Variants in MYO5B observed in about 807,000 individuals in gnomAD.
The protein encoded by MYO5B is unconventional myosin-Vb.
Under a neutral mutation model 229.3 loss-of-function variants are expected in MYO5B, and 143 were observed. That is an observed-to-expected ratio of 0.62 (90% CI 0.54 to 0.72). MYO5B has a LOEUF of 0.72. MYO5B is among the 30% of genes least tolerant of loss of function. The pLI, the probability that MYO5B is intolerant of heterozygous loss-of-function variation, is 0.00. For missense variants in MYO5B, 2,321 were observed against 2,331.0 expected, an observed-to-expected ratio of 1.00 and a Z score of 0.09; for synonymous variants, 918 against 885.2, an observed-to-expected ratio of 1.04 and a Z score of -0.66.
chr18:49,943,653 C>T (rs558167694), intron 14 of MYO5B, among the ~76,000 whole-genome samples: 27 of 152,300 alleles, frequency 1.8e-4, no homozygotes, highest in South Asian at 4.1e-4. Flanking sequence ...CACTTACTGA[C>T]GCTCAAATAT....
chr18:50,086,329 A>G (rs943202682), intron 1 of MYO5B, among the ~76,000 whole-genome samples: 1 of 152,218 alleles, frequency 6.6e-6, no homozygotes, highest in Non-Finnish European at 1.5e-5. Flanking sequence ...CCATGACTAG[A>G]TACACCTGTA....
intron 4 of MYO5B, among the ~76,000 whole-genome samples, chr18:50,026,974 C>T (rs1276774226): frequency 2.6e-5 from 4 of 152,130 alleles, no homozygotes; most frequent in Non-Finnish European, 4.4e-5. Context: ...AACTCTTAGC[C>T]GCCTTGCTTC....
chr18:50,087,968 G>A (rs145519535), intron 1 of MYO5B, among the ~76,000 whole-genome samples: 1 of 152,326 alleles, frequency 6.6e-6, no homozygotes, highest in East Asian at 1.9e-4. Flanking sequence ...ACTCTGAGAT[G>A]GCAGAGATTC....
In MYO5B at chr18:49,853,145, G is replaced by A. The variant is rs148735144; in HGVS notation, c.4221+304C>T. The stretch of plus-strand genomic sequence containing the variant: ...CAGGGACTGAGTCTTGAGGAGTCTC[G>A]CTGTTCCTGCTTTCATCCTCTTGGA... On this transcript the variant is annotated intron_variant, in intron 31 of 39. Coordinates refer to ENST00000285039, the MANE Select transcript of MYO5B (RefSeq NM_001080467.3). 6.9e-3 allele frequency among the ~76,000 whole-genome samples: 1,044 copies of A among 152,256 alleles called. 15 individuals are homozygous for A. The highest frequency in any genetic ancestry group is 0.024 in the Middle Eastern group (7 of 294).
At chr18:50,116,371 C>G (rs938772987) in intron 1 of MYO5B, among the ~76,000 whole-genome samples, 44 of 152,156 alleles carry the variant, frequency 2.9e-4, no homozygotes, top group African/African-American at 1.0e-3. Context: ...AAATGAACAC[C>G]TGGGAAGCAG....
chr18:50,101,932 C>T (rs1025531796), intron 1 of MYO5B, among the ~76,000 whole-genome samples: 4 of 152,108 alleles, frequency 2.6e-5, no homozygotes, highest in African/African-American at 7.2e-5. Context: ...GACACACACA[C>T]GTATGTTTAT....
chr18:49,955,314 C>T (rs113405263), intron 12 of MYO5B, among the ~76,000 whole-genome samples: 2 of 152,186 alleles, frequency 1.3e-5, no homozygotes, highest in East Asian at 3.9e-4. Context: ...AACAGAGTCA[C>T]CGTAACCACC....
intron 12 of MYO5B, among the ~76,000 whole-genome samples, chr18:49,958,556 A>G (rs1172920947): frequency 6.6e-6 from 1 of 152,096 alleles, no homozygotes; most frequent in African/African-American, 2.4e-5. Context: ...TCATGGAACA[A>G]AGGTCTCCCT....
intron 1 of MYO5B, among the ~76,000 whole-genome samples, chr18:50,154,764 G>T (rs1373185429): frequency 6.6e-6 from 1 of 152,172 alleles, no homozygotes; most frequent in Non-Finnish European, 1.5e-5. Flanking sequence ...CTAGCACAAG[G>T]GCTTTAGGGC....
intron 4 of MYO5B, among the ~76,000 whole-genome samples, chr18:50,014,519 T>C (rs1398412426): frequency 6.6e-6 from 1 of 152,088 alleles, no homozygotes; most frequent in Non-Finnish European, 1.5e-5. Flanking sequence ...TCAGATTGGG[T>C]GAGATACAGC....
intron 1 of MYO5B, among the ~76,000 whole-genome samples, chr18:50,105,184 C>G (rs1049645667): frequency 6.7e-6 from 1 of 148,776 alleles, no homozygotes; most frequent in Non-Finnish European, 1.5e-5. Context: ...AGGGTGTAAG[C>G]AAGAGGTCAA....
intron 39 of MYO5B, among the ~76,000 whole-genome samples, chr18:49,828,468 A>G (rs2023872805): frequency 6.6e-6 from 1 of 152,232 alleles, no homozygotes; most frequent in African/African-American, 2.4e-5. Flanking sequence ...AAGGGAGGAT[A>G]GTTCTACAGT....
intron 10 of MYO5B, among the ~76,000 whole-genome samples, chr18:49,971,832 G>T (rs1266853858): frequency 6.6e-6 from 1 of 152,126 alleles, no homozygotes; most frequent in East Asian, 1.9e-4. Context: ...GAGCTACAGA[G>T]GAGTAACTGT....
chr18:50,179,606 A>T (rs1356062893), intron 1 of MYO5B, among the ~76,000 whole-genome samples: 5 of 152,226 alleles, frequency 3.3e-5, no homozygotes, highest in African/African-American at 1.2e-4. Context: ...TGAGAAGACA[A>T]GGAAAAGAGC....
rs557907929 is a variant in MYO5B at position 49,942,318 on chromosome 18, A to G, written c.1753-4921T>C. Among the ~76,000 whole-genome samples, 11 of 151,346 alleles carry G rather than the reference A, an allele frequency of 7.3e-5. No individual in the cohort carries two copies. The South Asian group carries it at 2.3e-3, about 32-fold the overall frequency. Reference sequence around the variant, plus strand: ...TAAAACACCAAAAGCAATGGCAACAAAAGCAAAAATGGGATCTAATTGACA... The same window carrying G: ...TAAAACACCAAAAGCAATGGCAACAGAAGCAAAAATGGGATCTAATTGACA... On this transcript the variant is annotated intron_variant, in intron 14 of 39. Coordinates refer to ENST00000285039, the MANE Select transcript of MYO5B (RefSeq NM_001080467.3).
chr18:50,073,889 C>T lies in MYO5B; in HGVS notation c.28-18511G>A, dbSNP rs3897711. ...CCACATCCAATCCATTGGCAAGGCC[C>T]ATTCACTCTACTACCAACAGGTATC... is the stretch of plus-strand genomic sequence containing the variant. On this transcript the variant is annotated intron_variant, in intron 1 of 39. Coordinates refer to ENST00000285039, the MANE Select transcript of MYO5B (RefSeq NM_001080467.3). Among the ~76,000 whole-genome samples, 1,395 of 152,246 alleles carry T rather than the reference C, an allele frequency of 9.2e-3. 16 individuals are homozygous for T. Among genetic ancestry groups the T allele is most frequent in the Non-Finnish European group, 0.013 (862 of 68,018 alleles).
At chr18:49,827,642 A>G (rs143048055) in intron 39 of MYO5B, among the ~76,000 whole-genome samples, 14 of 152,262 alleles carry the variant, frequency 9.2e-5, no homozygotes, top group Middle Eastern at 6.8e-3. Flanking sequence ...GAAAATAAAA[A>G]TAATGAGGTA....
At chr18:49,892,636 C>A (rs1735375015) in intron 22 of MYO5B, among the ~76,000 whole-genome samples, 1 of 152,182 alleles carries the variant, frequency 6.6e-6, no homozygotes, top group African/African-American at 2.4e-5. Context: ...GAAATTGACA[C>A]AGTGCCTTTG....
chr18:49,982,759 A>T (rs1271841940), intron 8 of MYO5B, among the ~76,000 whole-genome samples: 12 of 152,206 alleles, frequency 7.9e-5, no homozygotes. Flanking sequence ...CAAAACTAAA[A>T]AAATTTACTA....
Sources: gnomAD v4.1 joint callset for allele counts (sites outside exome capture counted in the v4.1 genomes callset) on GRCh38, gnomAD v4.1.1 for gene constraint, MANE v1.5 for transcripts, NCBI Gene and HGNC (gene_info 2026-07-23, HGNC 2026-07-21) for gene names.